Variants in FBXO11 observed in about 807,000 individuals in gnomAD.
FBXO11 encodes the protein F-box only protein 11.
FBXO11 carries 13 observed loss-of-function variants against 117.0 expected under a neutral mutation model. The ratio of observed to expected loss-of-function variants is 0.11; its 90% CI spans 0.07 to 0.18. FBXO11 has a LOEUF of 0.18. FBXO11 is among the 10% of genes least tolerant of loss of function. FBXO11 has a pLI of 1.00. For missense variants in FBXO11, 767 were observed against 1,164.4 expected (o/e 0.66, Z 4.97); for synonymous variants, 490 against 380.5 (o/e 1.29, Z -3.35).
In FBXO11 at chr2:47,845,455, T is replaced by G. The variant is rs561242645; in HGVS notation, c.233-5686A>C. 1.4e-4 allele frequency among the ~76,000 whole-genome samples: 21 copies of G among 152,318 alleles called. 1 individual carries two copies. The highest frequency in any genetic ancestry group is 4.8e-4 in the African/African-American group (20 of 41,562). On this transcript the variant is annotated intron_variant, in intron 1 of 22. Transcript: ENST00000403359. ...GTTCTCATATTAAATTACTACTGAC[T>G]GTTCTGAGAATCAAGTACAGTGCCA...
At chr2:47,828,858 A>G (rs759849340) in intron 11 of FBXO11, among the ~76,000 whole-genome samples, 5 of 152,194 alleles carry the variant, frequency 3.3e-5, no homozygotes, top group African/African-American at 9.7e-5. Context: ...TAATAAGCTT[A>G]GCTTATTATT....
At chr2:47,851,576 C>T (rs1201946947) in intron 1 of FBXO11, among the ~76,000 whole-genome samples, 4 of 152,074 alleles carry the variant, frequency 2.6e-5, no homozygotes, top group Non-Finnish European at 5.9e-5. Flanking sequence ...AGGTCCATCA[C>T]TGAGGGAACT....
At chr2:47,852,037 G>C (rs1381795866) in intron 1 of FBXO11, among the ~76,000 whole-genome samples, 1 of 147,956 alleles carries the variant, frequency 6.8e-6, no homozygotes, top group African/African-American at 2.5e-5. Flanking sequence ...TGTTGCCCAG[G>C]TTGGAGTGCA....
chr2:47,905,705 C>T lies in FBXO11; in HGVS notation c.16G>A (p.Ala6Thr). 6.6e-7 allele frequency: 1 copy of T among 1,522,128 alleles called. No individual in the cohort carries two copies. The highest frequency in any genetic ancestry group is 8.8e-7 in the Non-Finnish European group (1 of 1,136,986). The allele number at this position is 1,522,128 out of a possible 1,614,324, so 94.3% of individuals were successfully genotyped here. Reference sequence around the variant, plus strand: ...ACTCGCCTGGGTCTCCGGTTGGCGGCTCGGACGGAGTTCATTTGCCGGGCT... The same window carrying T: ...ACTCGCCTGGGTCTCCGGTTGGCGGTTCGGACGGAGTTCATTTGCCGGGCT... MNSVRAANRRPRRVSR... is the reference protein window; with the variant it reads MNSVRTANRRPRRVSR... The change falls in exon 1 of 23, where the codon GCC becomes ACC. Residue 6 changes from alanine (A) to threonine (T), a missense_variant. By Grantham distance (58) the Ala-to-Thr change is moderately conservative (BLOSUM62 0). Coordinates refer to ENST00000403359, the MANE Select transcript of FBXO11 (RefSeq NM_001190274.2).
intron 15 of FBXO11, 39 bp from the exon 16 acceptor site, chr2:47,818,903 C>T (rs1479821110): frequency 6.4e-7 from 1 of 1,572,844 alleles, no homozygotes; most frequent in Non-Finnish European, 8.6e-7. Context: ...TTTCAAGGGA[C>T]AAGTATTTAC....
At chr2:47,808,593 G>T in intron 21 of FBXO11, 166 bp from the exon 22 acceptor site, 1 of 523,300 alleles carries the variant, frequency 1.9e-6, no homozygotes, top group Non-Finnish European at 3.3e-6. Context: ...TGGAGTAAGT[G>T]ATTTTCCTGT....
chr2:47,882,123 G>A (rs1676475015), intron 1 of FBXO11, among the ~76,000 whole-genome samples: 1 of 152,162 alleles, frequency 6.6e-6, no homozygotes, highest in South Asian at 2.1e-4. Flanking sequence ...ATCAGCTGAA[G>A]TTTATACTCT....
chr2:47,863,293 A>G (rs1166642401), intron 1 of FBXO11, among the ~76,000 whole-genome samples: 1 of 152,162 alleles, frequency 6.6e-6, no homozygotes, highest in African/African-American at 2.4e-5. Context: ...TCTTGTTAGG[A>G]ATAATCACTA....
At position 47,813,855 on chromosome 2, in the gene FBXO11, G is replaced by A; in HGVS notation, c.2019C>T (p.Asn673=). 6.2e-7 allele frequency: 1 copy of A among 1,612,544 alleles called. No homozygotes were observed. The highest frequency in any genetic ancestry group is 1.1e-5 in the South Asian group (1 of 91,066). The change falls in exon 17 of 23, where the codon AAC becomes AAT. Residue 673 remains asparagine, a synonymous_variant. Transcript: ENST00000403359. ...AGATTTTGTTGCGTCTAATTTTGGGGTTGCTTCCAGTCCTGTAAACAGAAT... is the reference window on the plus strand; with the variant it reads ...AGATTTTGTTGCGTCTAATTTTGGGATTGCTTCCAGTCCTGTAAACAGAAT... The part of the protein sequence containing the change: ...YSGVQIRTGS[N]PKIRRNKIWG...
intron 7 of FBXO11, among the ~76,000 whole-genome samples, chr2:47,833,712 T>C (rs909452244): frequency 6.6e-6 from 1 of 152,218 alleles, no homozygotes; most frequent in Non-Finnish European, 1.5e-5. Flanking sequence ...TATTTAAAAA[T>C]TCTATTTCAG....
chr2:47,863,770 A>G (rs760688725), intron 1 of FBXO11, among the ~76,000 whole-genome samples: 11 of 152,118 alleles, frequency 7.2e-5, no homozygotes, highest in Non-Finnish European at 1.5e-4. Context: ...GTGGAACCAC[A>G]TATCTACTAA....
chr2:47,857,462 T>C (rs183769219), intron 1 of FBXO11, among the ~76,000 whole-genome samples: 16 of 152,232 alleles, frequency 1.1e-4, no homozygotes, highest in Middle Eastern at 6.8e-3. Flanking sequence ...ATAGCTATAC[T>C]ATATATGCAA....
intron 20 of FBXO11, 66 bp from the exon 21 acceptor site, chr2:47,809,332 T>G: frequency 9.5e-7 from 1 of 1,055,942 alleles, no homozygotes. Flanking sequence ...CCAAAGATTA[T>G]AGGATTATTC....
chr2:47,813,652 T>TAA, intron 17 of FBXO11, 139 bp downstream of exon 17: 1 of 661,242 alleles, frequency 1.5e-6, no homozygotes, highest in Non-Finnish European at 2.5e-6. Flanking sequence ...AGGCTGGTCT[T>TAA]AAACTCCTGA....
At position 47,806,998 on chromosome 2, in the gene FBXO11, T is replaced by TTATC. The variant is rs1670251836; in HGVS notation, c.*1116_*1119dup. The stretch of plus-strand genomic sequence containing the variant: ...CTAGGAAATTAAACCCTTTTAATTC[T>TTATC]TATCTACCTTCTACATAATGGTTAT... On this transcript the variant is annotated 3_prime_UTR_variant, in exon 23 of 23. Coordinates refer to ENST00000403359, the MANE Select transcript of FBXO11 (RefSeq NM_001190274.2). 1.3e-5 allele frequency: 9 copies of TTATC among 707,314 alleles called. No homozygotes were observed. Among genetic ancestry groups the TTATC allele is most frequent in the African/African-American group, 3.6e-5 (2 of 56,300 alleles). 43.8% of individuals were successfully genotyped at this position (707,314 alleles called of 1,614,324 possible). A position where few individuals can be genotyped will look rare whatever the true frequency, so the allele number is the denominator to read the frequency against.
rs1456777500 is a variant in FBXO11, at chr2:47,834,652, A to G, written c.861T>C (p.Leu287=). ...GGVQEAHFDG[L]IFVHSGIYTD... ...TATATATTCCAGAATGAACAAAGAT[A>G]AGTCCATCAAAATGAGCCTCTTGTA... Residue 287 remains leucine, a synonymous_variant, in exon 7 of 23, where the codon CTT becomes CTC. Transcript: ENST00000403359. 4.3e-6 allele frequency: 7 copies of G among 1,609,810 alleles called. No homozygotes were observed. Among genetic ancestry groups the G allele is most frequent in the Non-Finnish European group, 5.9e-6 (7 of 1,177,070 alleles).
intron 1 of FBXO11, among the ~76,000 whole-genome samples, chr2:47,887,367 A>G (rs1234543411): frequency 6.6e-6 from 1 of 151,752 alleles, no homozygotes; most frequent in Non-Finnish European, 1.5e-5. Flanking sequence ...GAACCAACAC[A>G]AAAGAACAGT....
intron 1 of FBXO11, among the ~76,000 whole-genome samples, chr2:47,860,940 G>A (rs1172870436): frequency 1.3e-5 from 2 of 149,494 alleles, no homozygotes; most frequent in East Asian, 2.0e-4. Context: ...TCCACCTCCC[G>A]GGTTCAAGTG....
chr2:47,875,821 C>G (rs888254408), intron 1 of FBXO11, among the ~76,000 whole-genome samples: 1 of 152,096 alleles, frequency 6.6e-6, no homozygotes, highest in African/African-American at 2.4e-5. Context: ...AAGGGTTTAG[C>G]CTTCTTCATT....
Sources: allele counts gnomAD v4.1 joint callset (sites outside exome capture counted in the v4.1 genomes callset), GRCh38; gene constraint gnomAD v4.1.1; transcripts MANE v1.5; gene names NCBI Gene and HGNC (gene_info 2026-07-23, HGNC 2026-07-21).